The following ADGRL3 variants were observed in gnomAD, a reference collection of about 807,000 sequenced individuals.
The protein encoded by ADGRL3 is adhesion G protein-coupled receptor L3, also known as calcium-independent alpha-latrotoxin receptor 3.
A neutral mutation model predicts 153.5 loss-of-function variants in ADGRL3; 62 were observed. The ratio of observed to expected loss-of-function variants is 0.40; its 90% CI spans 0.33 to 0.50. ADGRL3 has a LOEUF of 0.50. ADGRL3 is among the 20% of genes least tolerant of loss of function. The probability of loss-of-function intolerance (pLI) is 0.47; values close to 1 mark genes in which losing one functional copy is unlikely to be tolerated. For synonymous variants in ADGRL3, 710 were observed against 672.5 expected (o/e 1.06, Z -0.86); for missense variants, 1,641 against 1,859.4 (o/e 0.88, Z 2.16).
At position 62,071,997 on chromosome 4, in the gene ADGRL3, C is replaced by T. The variant is rs1745817905; in HGVS notation, c.*1089C>T. On this transcript the variant is annotated 3_prime_UTR_variant, in exon 27 of 27. Transcript: ENST00000683033. ...AGGGCACGTCTGTTGTAATGCAAAG[C>T]ATATTTGGCAAGCAGTTCATCACCA... The T allele has an allele frequency of 1.0e-5, 2 of 196,596 alleles. No homozygotes were observed. The highest frequency in any genetic ancestry group is 2.1e-5 in the Non-Finnish European group (2 of 96,046). 12.2% of individuals were successfully genotyped at this position (196,596 alleles called of 1,614,324 possible). A position where few individuals can be genotyped will look rare whatever the true frequency, so the allele number is the denominator to read the frequency against.
intron 12 of ADGRL3, among the ~76,000 whole-genome samples, chr4:61,910,154 A>G (rs1349599660): frequency 6.6e-6 from 1 of 151,922 alleles, no homozygotes; most frequent in Non-Finnish European, 1.5e-5. Context: ...AGAAGATGTT[A>G]TAGATCTTCT....
intron 13 of ADGRL3, among the ~76,000 whole-genome samples, chr4:61,929,321 A>G (rs1358692736): frequency 6.6e-6 from 1 of 152,162 alleles, no homozygotes; most frequent in Non-Finnish European, 1.5e-5. Context: ...CTCAGCTTCC[A>G]GAACTGTGAG....
At chr4:61,458,680 A>G (rs577771528) in intron 2 of ADGRL3, among the ~76,000 whole-genome samples, 12 of 151,750 alleles carry the variant, frequency 7.9e-5, no homozygotes, top group Non-Finnish European at 1.5e-4. Flanking sequence ...ACCTTATCAA[A>G]TTAATCAACA....
At chr4:61,664,906 C>A (rs1323169959) in intron 5 of ADGRL3, among the ~76,000 whole-genome samples, 1 of 152,082 alleles carries the variant, frequency 6.6e-6, no homozygotes, top group Non-Finnish European at 1.5e-5. Context: ...CTAGAAAAGT[C>A]CTATTTGTTC....
chr4:61,363,761 T>G (rs913500307), intron 1 of ADGRL3, among the ~76,000 whole-genome samples: 2 of 151,900 alleles, frequency 1.3e-5, no homozygotes, highest in African/African-American at 4.8e-5. Flanking sequence ...TTACTTGGAT[T>G]TTTTTTTAAT....
intron 4 of ADGRL3, among the ~76,000 whole-genome samples, chr4:61,581,890 A>G (rs1327978278): frequency 6.6e-6 from 1 of 152,080 alleles, no homozygotes; most frequent in Admixed American, 6.6e-5. Flanking sequence ...ATCATTACCT[A>G]TTTAAAACAA....
intron 2 of ADGRL3, among the ~76,000 whole-genome samples, chr4:61,489,639 A>G (rs758724302): frequency 2.6e-5 from 4 of 152,010 alleles, no homozygotes; most frequent in Admixed American, 6.6e-5. Context: ...TGACAAAAAT[A>G]TTATACTAAA....
At chr4:61,774,926 G>T (rs1057471941) in intron 8 of ADGRL3, among the ~76,000 whole-genome samples, 1 of 152,114 alleles carries the variant, frequency 6.6e-6, no homozygotes, top group Admixed American at 6.5e-5. Flanking sequence ...AGTTAGTAAG[G>T]TTTATTATGT....
At chr4:61,486,781 T>C (rs943221742) in intron 2 of ADGRL3, among the ~76,000 whole-genome samples, 3 of 152,302 alleles carry the variant, frequency 2.0e-5, no homozygotes, top group Admixed American at 2.0e-4. Context: ...TGTTTTAAAC[T>C]TTTGCTGTAA....
chr4:61,213,656 A>G (rs1447621426), intron 1 of ADGRL3, among the ~76,000 whole-genome samples: 2 of 152,156 alleles, frequency 1.3e-5, no homozygotes, highest in African/African-American at 2.4e-5. Context: ...AGATTAAACC[A>G]TATATAGTTT....
At chr4:61,677,844 G>C (rs539811685) in intron 6 of ADGRL3, among the ~76,000 whole-genome samples, 1 of 152,084 alleles carries the variant, frequency 6.6e-6, no homozygotes, top group East Asian at 1.9e-4. Flanking sequence ...GCTTATTAAA[G>C]AAGCAGGACA....
At chr4:61,540,036 G>GA (rs1193384844) in intron 4 of ADGRL3, among the ~76,000 whole-genome samples, 1 of 151,982 alleles carries the variant, frequency 6.6e-6, no homozygotes, top group Non-Finnish European at 1.5e-5. Flanking sequence ...GCCATCTTGA[G>GA]AAAAAAATAA....
At chr4:61,712,932 A>C (rs1367294494) in intron 6 of ADGRL3, among the ~76,000 whole-genome samples, 1 of 152,328 alleles carries the variant, frequency 6.6e-6, no homozygotes, top group South Asian at 2.1e-4. Context: ...TGACTATTAC[A>C]TGCTTTCAAG....
chr4:61,572,878 A>G (rs963780548), intron 4 of ADGRL3, among the ~76,000 whole-genome samples: 2 of 152,048 alleles, frequency 1.3e-5, no homozygotes, highest in Admixed American at 6.6e-5. Context: ...GACCTCATCT[A>G]TGAGACCACC....
At chr4:61,328,853 C>T (rs926357012) in intron 1 of ADGRL3, among the ~76,000 whole-genome samples, 1 of 152,056 alleles carries the variant, frequency 6.6e-6, no homozygotes, top group African/African-American at 2.4e-5. Context: ...GTGCACTGTT[C>T]TCCATAATCC....
chr4:61,690,901 A>G (rs546069507), intron 6 of ADGRL3, among the ~76,000 whole-genome samples: 1 of 152,268 alleles, frequency 6.6e-6, no homozygotes, highest in South Asian at 2.1e-4. Context: ...AAAGAATATG[A>G]CTGTGGATAT....
At chr4:61,602,987 C>T (rs1222040871) in intron 5 of ADGRL3, among the ~76,000 whole-genome samples, 1 of 152,046 alleles carries the variant, frequency 6.6e-6, no homozygotes, top group Non-Finnish European at 1.5e-5. Flanking sequence ...ATTCCTTTGG[C>T]CTGGGTATTG....
intron 6 of ADGRL3, among the ~76,000 whole-genome samples, chr4:61,708,231 T>A (rs1194321375): frequency 6.6e-6 from 1 of 152,168 alleles, no homozygotes; most frequent in Non-Finnish European, 1.5e-5. Context: ...GAATGTCACT[T>A]GGTACGGAGA....
chr4:61,752,420 G>T (rs1459695374), intron 8 of ADGRL3, among the ~76,000 whole-genome samples: 1 of 152,110 alleles, frequency 6.6e-6, no homozygotes, highest in African/African-American at 2.4e-5. Flanking sequence ...GGAAAAATGT[G>T]ATAGGACAAA....
Sources: gnomAD v4.1 joint callset for allele counts (sites outside exome capture counted in the v4.1 genomes callset) on GRCh38, gnomAD v4.1.1 for gene constraint, MANE v1.5 for transcripts, NCBI Gene and HGNC (gene_info 2026-07-23, HGNC 2026-07-21) for gene names.